Variants in CLSTN2 observed in about 807,000 individuals in gnomAD.
CLSTN2 encodes calsyntenin 2.
In CLSTN2, 48 loss-of-function variants were observed where a neutral mutation model predicts 101.2. The ratio of observed to expected loss-of-function variants is 0.47; its 90% CI spans 0.38 to 0.60. The LOEUF (loss-of-function observed/expected upper bound fraction) is 0.60. Ranked by LOEUF, CLSTN2 falls within the 20% of genes least tolerant of loss-of-function variation. CLSTN2 has a pLI of 0.00. For synonymous variants in CLSTN2, 481 were observed against 463.6 expected (o/e 1.04, Z -0.48); for missense variants, 1,160 against 1,238.2 (o/e 0.94, Z 0.95).
chr3:140,316,244 G>A (rs1212311128), intron 2 of CLSTN2, among the ~76,000 whole-genome samples: 1 of 152,162 alleles, frequency 6.6e-6, no homozygotes, highest in Non-Finnish European at 1.5e-5. Flanking sequence ...GCTGGCATGA[G>A]GAATGGGACT....
intron 2 of CLSTN2, among the ~76,000 whole-genome samples, chr3:140,341,157 C>T (rs1191014009): frequency 6.6e-6 from 1 of 152,128 alleles, no homozygotes; most frequent in Non-Finnish European, 1.5e-5. Flanking sequence ...ATCTAAGGTC[C>T]CTTTTTCCCC....
intron 4 of CLSTN2, among the ~76,000 whole-genome samples, chr3:140,406,616 CCA>C (rs2088305312): frequency 6.6e-6 from 1 of 152,190 alleles, no homozygotes; most frequent in African/African-American, 2.4e-5. Flanking sequence ...CCTGTCCCCA[CCA>C]CAGAGGCACA....
At chr3:140,420,644 G>T (rs1417754289) in intron 4 of CLSTN2, among the ~76,000 whole-genome samples, 1 of 152,124 alleles carries the variant, frequency 6.6e-6, no homozygotes, top group African/African-American at 2.4e-5. Context: ...CTTCCTATTT[G>T]GTAGCAAAAA....
intron 1 of CLSTN2, among the ~76,000 whole-genome samples, chr3:140,171,846 A>AAT (rs1296082889): frequency 8.7e-6 from 1 of 115,218 alleles, no homozygotes; most frequent in Non-Finnish European, 1.7e-5. Flanking sequence ...TATATAATAT[A>AAT]ATATATATAT....
chr3:140,150,366 G>A (rs1417918115), intron 1 of CLSTN2, among the ~76,000 whole-genome samples: 1 of 152,146 alleles, frequency 6.6e-6, no homozygotes, highest in East Asian at 1.9e-4. Flanking sequence ...TTTTAAAATG[G>A]AAATGACATC....
chr3:139,944,027 G>T (rs1195939972), intron 1 of CLSTN2, among the ~76,000 whole-genome samples: 1 of 152,172 alleles, frequency 6.6e-6, no homozygotes, highest in African/African-American at 2.4e-5. Flanking sequence ...TCCTGTCAGT[G>T]AACTTTCTAG....
intron 1 of CLSTN2, among the ~76,000 whole-genome samples, chr3:139,968,746 G>A (rs1443861608): frequency 1.3e-5 from 2 of 152,200 alleles, no homozygotes; most frequent in South Asian, 4.2e-4. Context: ...AACTCAATAG[G>A]TAGAATATAT....
chr3:139,975,794 A>T (rs1012438783), intron 1 of CLSTN2, among the ~76,000 whole-genome samples: 5 of 152,272 alleles, frequency 3.3e-5, no homozygotes, highest in East Asian at 1.9e-4. Context: ...CAGTGAATGG[A>T]TGCTCTCTGT....
chr3:140,058,890 G>C (rs2008147045), intron 1 of CLSTN2, among the ~76,000 whole-genome samples: 1 of 152,190 alleles, frequency 6.6e-6, no homozygotes, highest in Admixed American at 6.5e-5. Flanking sequence ...GGAGGCTGCT[G>C]TGTTTCCAGG....
At chr3:140,370,214 CT>C (rs2087835732) in intron 2 of CLSTN2, among the ~76,000 whole-genome samples, 1 of 152,224 alleles carries the variant, frequency 6.6e-6, no homozygotes, top group Non-Finnish European at 1.5e-5. Context: ...CCATTGAGGC[CT>C]GCTATCAGCA....
chr3:140,348,528 A>G (rs984390503), intron 2 of CLSTN2, among the ~76,000 whole-genome samples: 12 of 152,150 alleles, frequency 7.9e-5, no homozygotes, highest in African/African-American at 1.9e-4. Flanking sequence ...TCCCAAGGGT[A>G]TCTGCTATTA....
intron 2 of CLSTN2, among the ~76,000 whole-genome samples, chr3:140,309,307 G>C (rs2087142942): frequency 6.6e-6 from 1 of 152,158 alleles, no homozygotes; most frequent in African/African-American, 2.4e-5. Flanking sequence ...AAGGACCAGA[G>C]GTGGCAAGAT....
intron 2 of CLSTN2, among the ~76,000 whole-genome samples, chr3:140,260,561 T>C (rs1472673090): frequency 6.6e-6 from 1 of 151,218 alleles, no homozygotes; most frequent in Non-Finnish European, 1.5e-5. Flanking sequence ...AATTTCAGAG[T>C]TATAGAAAAA....
At chr3:140,199,570 C>T (rs897586138) in intron 2 of CLSTN2, among the ~76,000 whole-genome samples, 3 of 152,184 alleles carry the variant, frequency 2.0e-5, no homozygotes, top group Non-Finnish European at 2.9e-5. Context: ...AACTAGGAGC[C>T]GCCCAGGCCC....
intron 2 of CLSTN2, among the ~76,000 whole-genome samples, chr3:140,271,758 A>G (rs947243538): frequency 1.3e-5 from 2 of 152,240 alleles, no homozygotes; most frequent in African/African-American, 4.8e-5. Flanking sequence ...CAAAAAGACT[A>G]TGTGTTCATT....
chr3:140,311,148 T>G (rs2107916756), intron 2 of CLSTN2, among the ~76,000 whole-genome samples: 1 of 152,220 alleles, frequency 6.6e-6, no homozygotes, highest in South Asian at 2.1e-4. Context: ...GGCTACTTAC[T>G]GAATTCAGGC....
At chr3:140,324,091 G>A (rs2087309663) in intron 2 of CLSTN2, among the ~76,000 whole-genome samples, 1 of 152,200 alleles carries the variant, frequency 6.6e-6, no homozygotes, top group Admixed American at 6.5e-5. Flanking sequence ...GTAGGGACAT[G>A]ATATTTTGTT....
chr3:140,005,858 A>C (rs1037584488), intron 1 of CLSTN2, among the ~76,000 whole-genome samples: 7 of 152,238 alleles, frequency 4.6e-5, no homozygotes, highest in Non-Finnish European at 1.0e-4. Context: ...GGCAAACAGC[A>C]ATGGCAAAAG....
intron 1 of CLSTN2, among the ~76,000 whole-genome samples, chr3:140,154,651 T>G (rs1371901635): frequency 2.8e-5 from 4 of 142,940 alleles, no homozygotes; most frequent in African/African-American, 1.0e-4. Flanking sequence ...CTTTTTTTTT[T>G]TTTTTTTTTT....
Sources: allele counts gnomAD v4.1 joint callset (sites outside exome capture counted in the v4.1 genomes callset), GRCh38; gene constraint gnomAD v4.1.1; transcripts MANE v1.5; gene names NCBI Gene and HGNC (gene_info 2026-07-23, HGNC 2026-07-21).